CCDC3: variants seen among roughly 807,000 people sequenced by gnomAD.
The protein encoded by CCDC3 is coiled-coil domain-containing protein 3.
In CCDC3, 24 loss-of-function variants were observed where a neutral mutation model predicts 21.4. The ratio of observed to expected loss-of-function variants is 1.12; its 90% CI spans 0.81 to 1.58. The LOEUF is 1.58. Ranked by LOEUF, CCDC3 falls within the 40% of genes most tolerant of loss-of-function variation. CCDC3 has a pLI of 0.00. For synonymous variants in CCDC3, 186 were observed against 166.0 expected, an observed-to-expected ratio of 1.12 and a Z score of -0.93; for missense variants, 425 against 360.9, an observed-to-expected ratio of 1.18 and a Z score of -1.44.
chr10:12,929,022 G>A (rs1164233683), intron 2 of CCDC3, among the ~76,000 whole-genome samples: 1 of 152,090 alleles, frequency 6.6e-6, no homozygotes, highest in African/African-American at 2.4e-5. Flanking sequence ...CCAGCACTTT[G>A]GGAGGCCTAG....
chr10:13,058,241 A>G, intron 4 of CCDC3: 1 of 1,352,102 alleles, frequency 7.4e-7, no homozygotes, highest in Non-Finnish European at 1.0e-6. Flanking sequence ...GCCTGCATCC[A>G]AATAGCAGGT....
At chr10:12,901,475 A>AT (rs1374120506) in intron 2 of CCDC3, among the ~76,000 whole-genome samples, 2 of 152,014 alleles carry the variant, frequency 1.3e-5, no homozygotes, top group Non-Finnish European at 2.9e-5. Context: ...GGGTTTCACC[A>AT]TATTGGCCAG....
intron 2 of CCDC3, among the ~76,000 whole-genome samples, chr10:12,967,959 A>T (rs541435639): frequency 1.5e-3 from 224 of 152,296 alleles, no homozygotes; most frequent in Non-Finnish European, 2.1e-3. Flanking sequence ...TCACAAGGTC[A>T]GGAGTTCGAG....
intron 5 of CCDC3, among the ~76,000 whole-genome samples, chr10:13,026,894 G>A (rs1324030681): frequency 7.2e-5 from 11 of 152,148 alleles, no homozygotes; most frequent in Admixed American, 2.6e-4. Flanking sequence ...GGCCGCCCCC[G>A]AGGGTGTTGT....
chr10:12,942,415 C>T (rs1252074527), intron 2 of CCDC3, among the ~76,000 whole-genome samples: 1 of 152,162 alleles, frequency 6.6e-6, no homozygotes, highest in Non-Finnish European at 1.5e-5. Context: ...GCTCCAAAGT[C>T]ATTTCTTTTC....
At chr10:13,095,783 A>G (rs1187736414) in intron 3 of CCDC3, among the ~76,000 whole-genome samples, 3 of 152,218 alleles carry the variant, frequency 2.0e-5, no homozygotes, top group Non-Finnish European at 4.4e-5. Flanking sequence ...TCCACATGCC[A>G]TAAAATTCAC....
chr10:13,057,189 G>C (rs1274072517), intron 4 of CCDC3, among the ~76,000 whole-genome samples: 1 of 151,922 alleles, frequency 6.6e-6, no homozygotes, highest in Non-Finnish European at 1.5e-5. Context: ...AGCTACTCAG[G>C]GGGCTGAGGC....
chr10:13,086,682 G>A (rs1484640429), intron 3 of CCDC3, among the ~76,000 whole-genome samples: 6 of 152,124 alleles, frequency 3.9e-5, no homozygotes, highest in East Asian at 3.9e-4. Context: ...TCCTGACCTC[G>A]TGACCCGCCT....
Position 13,088,186 on chromosome 10 carries a change from G to A in CCDC3, c.-503+10339C>T, listed in dbSNP as rs535065803. 6.6e-5 allele frequency among the ~76,000 whole-genome samples: 10 copies of A among 152,232 alleles called. No individual in the cohort carries two copies. In the South Asian group the frequency reaches 1.5e-3, roughly 22 times the overall value. On this transcript the variant is annotated intron_variant, in intron 3 of 6. Coordinates refer to the CCDC3 transcript ENST00000378839. ...CAGTAAATTTATGTTAGCAAACTTA[G>A]ATACAAGAATTTTGACTCACCATTG...
chr10:12,921,683 A>C (rs1046904011), intron 2 of CCDC3, among the ~76,000 whole-genome samples: 1 of 152,042 alleles, frequency 6.6e-6, no homozygotes, highest in African/African-American at 2.4e-5. Flanking sequence ...CACAACTATA[A>C]TTTTTTTTGC....
upstream of CCDC3, among the ~76,000 whole-genome samples, chr10:13,003,640 C>A (rs1405496259): frequency 6.6e-6 from 1 of 152,148 alleles, no homozygotes; most frequent in Non-Finnish European, 1.5e-5. Flanking sequence ...TATACTGTAA[C>A]TCATCAGATA....
At chr10:12,910,102 A>G (rs929489448) in intron 2 of CCDC3, among the ~76,000 whole-genome samples, 3 of 152,230 alleles carry the variant, frequency 2.0e-5, no homozygotes, top group African/African-American at 7.2e-5. Context: ...GCTTCAGCTA[A>G]GAGTCTGTTT....
intron 4 of CCDC3, among the ~76,000 whole-genome samples, chr10:13,068,731 C>T (rs1016124086): frequency 3.9e-5 from 6 of 152,152 alleles, no homozygotes; most frequent in African/African-American, 1.4e-4. Flanking sequence ...ATTATAACAA[C>T]TTACTAGGTT....
rs576550633 is a variant in CCDC3, at chr10:12,983,947, G to A, written c.549+14391C>T. ...ATACAAAAGTTAGCTGGGCATGGTGGTGCATGCCTGTAATCTCAGCTACTT... is the reference window on the plus strand; with the variant it reads ...ATACAAAAGTTAGCTGGGCATGGTGATGCATGCCTGTAATCTCAGCTACTT... On this transcript the variant is annotated intron_variant, in intron 2 of 2. Coordinates refer to ENST00000378825, the MANE Select transcript of CCDC3 (RefSeq NM_031455.4). 5.3e-5 allele frequency among the ~76,000 whole-genome samples: 8 copies of A among 152,294 alleles called. No homozygotes were observed. The South Asian group carries it at 1.7e-3, about 32-fold the overall frequency.
chr10:12,917,776 T>A (rs28473492), intron 2 of CCDC3, among the ~76,000 whole-genome samples: 2,913 of 152,340 alleles, frequency 0.019, 92 homozygotes, highest in African/African-American at 0.066. Context: ...CAGATGACTC[T>A]TTACTTTACC....
At chr10:13,072,352 T>A (rs1836893959) in intron 4 of CCDC3, among the ~76,000 whole-genome samples, 3 of 148,688 alleles carry the variant, frequency 2.0e-5, no homozygotes, top group Admixed American at 2.0e-4. Context: ...TTGGTCATCA[T>A]CCTTATCCTT....
chr10:13,055,340 T>TC (rs1836667666), intron 4 of CCDC3, among the ~76,000 whole-genome samples: 2 of 151,800 alleles, frequency 1.3e-5, no homozygotes, highest in African/African-American at 4.8e-5. Flanking sequence ...CCACTTCTTT[T>TC]TTTTTTTTGT....
intron 2 of CCDC3, among the ~76,000 whole-genome samples, chr10:12,918,480 T>C (rs116201788): frequency 2.1e-3 from 327 of 152,382 alleles, no homozygotes; most frequent in African/African-American, 7.5e-3. Context: ...TGATTCCTTC[T>C]GTAATTCCTA....
At position 13,001,270 on chromosome 10, in the gene CCDC3, G is replaced by T. The variant is rs537151328; in HGVS notation, c.301C>A (p.Leu101Ile). 8 of 1,601,484 alleles carry T rather than the reference G, an allele frequency of 5.0e-6. No individual in the cohort carries two copies. In the African/African-American group the frequency reaches 9.3e-5, roughly 19 times the overall value. ...LEVPAGSRLNLTGLGYFSCHS... is the reference protein window; with the variant it reads ...LEVPAGSRLNITGLGYFSCHS... Reference sequence around the variant, plus strand: ...CACGAGAAGTAGCCCAGGCCGGTGAGGTTGAGCCTGGAGCCGGCGGGCACC... The same window carrying T: ...CACGAGAAGTAGCCCAGGCCGGTGATGTTGAGCCTGGAGCCGGCGGGCACC... Residue 101 changes from leucine (L) to isoleucine (I), a missense_variant, in exon 1 of 3, where the codon CTC becomes ATC. Transcript: ENST00000378825.
Sources: gnomAD v4.1 joint callset for allele counts (sites outside exome capture counted in the v4.1 genomes callset) on GRCh38, gnomAD v4.1.1 for gene constraint, MANE v1.5 for transcripts, NCBI Gene and HGNC (gene_info 2026-07-23, HGNC 2026-07-21) for gene names.